The following SMC6 variants were observed in gnomAD, a reference collection of about 807,000 sequenced individuals.
SMC6 encodes the protein structural maintenance of chromosomes 6.
A neutral mutation model predicts 142.2 loss-of-function variants in SMC6; 79 were observed. The observed-to-expected ratio is 0.56, with a 90% CI of 0.46 to 0.67. SMC6 has a LOEUF of 0.67. Among genes scored for constraint, SMC6 ranks in the 30% least tolerant of loss-of-function variants. SMC6 has a pLI of 0.00. For missense variants in SMC6, 1,072 were observed against 1,284.0 expected (o/e 0.83, Z 2.52); for synonymous variants, 411 against 412.4 (o/e 1.00, Z 0.04).
chr2:17,667,217 T>G (rs1001785544), intron 26 of SMC6, among the ~76,000 whole-genome samples: 1 of 152,190 alleles, frequency 6.6e-6, no homozygotes, highest in African/African-American at 2.4e-5. Context: ...CTCAAATTCA[T>G]TAAGTCTCTC....
intron 16 of SMC6, among the ~76,000 whole-genome samples, 186 bp downstream of exon 16, chr2:17,714,675 G>A (rs556321806): frequency 5.9e-5 from 9 of 152,220 alleles, no homozygotes; most frequent in Middle Eastern, 3.4e-3. Context: ...AACTTCAATG[G>A]TAGGGAGTAT....
chr2:17,747,483 AAAC>A (rs1252845083), intron 2 of SMC6, among the ~76,000 whole-genome samples: 7 of 147,546 alleles, frequency 4.7e-5, no homozygotes, highest in Non-Finnish European at 1.0e-4. Flanking sequence ...AATTAAAACT[AAAC>A]AACTTTTTTT....
At chr2:17,738,801 C>T (rs944523779) in intron 4 of SMC6, among the ~76,000 whole-genome samples, 1 of 152,132 alleles carries the variant, frequency 6.6e-6, no homozygotes, top group Non-Finnish European at 1.5e-5. Context: ...TACAGGCACA[C>T]ATCACTATGC....
Position 17,718,222 on chromosome 2 carries a change from AC to A in SMC6, c.946del (p.Val316SerfsTer17). 6.3e-7 allele frequency: 1 copy of A among 1,577,092 alleles called. No homozygotes were observed. Among genetic ancestry groups the A allele is most frequent in the South Asian group, 1.2e-5 (1 of 82,006 alleles). On this transcript the variant is annotated frameshift_variant and splice_region_variant, in exon 12 of 28. Transcript: ENST00000448223. LOFTEE classifies it high-confidence loss of function. ...CTTTTGTTCTGCCTCATTAAGTCTG[AC>A]CTTTAAGAAAATAACATTATTGAAG... is the stretch of plus-strand genomic sequence containing the variant. ...RLDRKMEEQQVRLNEAEQKYK... is the reference protein window; with the variant it reads ...RLDRKMEEQQXRLNEAEQKYK...
chr2:17,667,918 G>A (rs542478586), intron 26 of SMC6, among the ~76,000 whole-genome samples: 2 of 152,182 alleles, frequency 1.3e-5, no homozygotes, highest in Admixed American at 6.5e-5. Context: ...TTTAGAACAA[G>A]GGCTGTGGAG....
chr2:17,674,108 A>G (rs1386501967), intron 25 of SMC6, among the ~76,000 whole-genome samples: 1 of 151,984 alleles, frequency 6.6e-6, no homozygotes, highest in Non-Finnish European at 1.5e-5. Context: ...TGAATTTATA[A>G]TAGGCTTTTT....
chr2:17,712,742 C>T (rs1283173690), intron 16 of SMC6, among the ~76,000 whole-genome samples: 1 of 152,148 alleles, frequency 6.6e-6, no homozygotes, highest in East Asian at 1.9e-4. Context: ...AGCATTTGAA[C>T]CATAATTCAT....
In SMC6 at chr2:17,732,790, C is replaced by G. The variant is rs561887907; in HGVS notation, c.345-913G>C. On this transcript the variant is annotated intron_variant, in intron 5 of 27. Transcript: ENST00000448223. ...CATATTTTAAAATAGTACAATGCAG[C>G]TAAACACACATATAAAATGATGAGT... is the stretch of plus-strand genomic sequence containing the variant. Among the ~76,000 whole-genome samples, 16 of 152,036 alleles carry G rather than the reference C, an allele frequency of 1.1e-4. No homozygotes were observed. The East Asian group carries it at 3.1e-3, about 29-fold the overall frequency.
Position 17,701,951 on chromosome 2 carries a change from T to A in SMC6, c.2143-42A>T, listed in dbSNP as rs11681696. On this transcript the variant is annotated intron_variant, in intron 19 of 27. Transcript: ENST00000448223. ...TGGATTTTAGTAACATAAAAAAAAA[T>A]TTAAACCGAAAACCTTGGAAAGGAT... The A allele has an allele frequency of 0.29, 309,936 of 1,064,742 alleles. 47,234 individuals carry two copies. The highest frequency in any genetic ancestry group is 0.33 in the Non-Finnish European group (236,297 of 725,866). The allele number at this position is 1,064,742 out of a possible 1,614,324, so 66.0% of individuals were successfully genotyped here.
chr2:17,695,069 A>G, intron 23 of SMC6, 83 bp downstream of exon 23: 1 of 1,461,422 alleles, frequency 6.8e-7, no homozygotes, highest in Middle Eastern at 1.7e-4. Context: ...ATTCAAATTT[A>G]AGACATGTAT....
intron 3 of SMC6, among the ~76,000 whole-genome samples, chr2:17,744,579 T>C (rs77358223): frequency 1.3e-5 from 2 of 152,222 alleles, no homozygotes; most frequent in African/African-American, 4.8e-5. Flanking sequence ...TTCTGTTTCC[T>C]TGATTTATTT....
intron 2 of SMC6, among the ~76,000 whole-genome samples, chr2:17,751,627 A>T: frequency 6.6e-6 from 1 of 152,200 alleles, no homozygotes; most frequent in African/African-American, 2.4e-5. Context: ...AAGTAGTTTG[A>T]ATTTGGTGAC....
chr2:17,666,320 T>C, intron 27 of SMC6, 100 bp downstream of exon 27: 1 of 783,880 alleles, frequency 1.3e-6, no homozygotes, highest in Non-Finnish European at 2.0e-6. Flanking sequence ...TTATTTTCAT[T>C]GGTCTTGTAT....
At position 17,716,227 on chromosome 2, in the gene SMC6, T is replaced by C; in HGVS notation, c.1384A>G (p.Asn462Asp). Reference sequence around the variant, plus strand: ...TTCAATTCTTTCAGTTGCCTCTGATTGTAGCTCAGTGCATGCTTCACATCT... The same window carrying C: ...TTCAATTCTTTCAGTTGCCTCTGATCGTAGCTCAGTGCATGCTTCACATCT... The part of the protein sequence containing the change: ...ELDVKHALSY[N>D]QRQLKELKDS... The change falls in exon 15 of 28, where the codon AAT becomes GAT. Residue 462 changes from asparagine (N) to aspartate (D), a missense_variant. Asn to Asp is a conservative substitution (Grantham distance 23, BLOSUM62 1). Transcript: ENST00000448223. 2 of 1,612,202 alleles carry C rather than the reference T, an allele frequency of 1.2e-6. No individual in the cohort carries two copies. The highest frequency in any genetic ancestry group is 1.7e-6 in the Non-Finnish European group (2 of 1,179,454).
At position 17,741,736 on chromosome 2, in the gene SMC6, A is replaced by AT. The variant is rs753232122; in HGVS notation, c.121-8dup. Reference sequence around the variant, plus strand: ...TTCCAACTTCTGCTGCAGTCTATTAATAAAAAACAATGGGAGAAAATGGTC... The same window carrying AT: ...TTCCAACTTCTGCTGCAGTCTATTAATTAAAAAACAATGGGAGAAAATGGTC... On this transcript the variant is annotated splice_polypyrimidine_tract_variant and splice_region_variant and intron_variant, in intron 3 of 27. Coordinates refer to ENST00000448223, the MANE Select transcript of SMC6 (RefSeq NM_001142286.2). 6.4e-7 allele frequency: 1 copy of AT among 1,556,126 alleles called. No homozygotes were observed. The highest frequency in any genetic ancestry group is 8.8e-7 in the Non-Finnish European group (1 of 1,135,956).
rs1670479967 is a variant in SMC6, at chr2:17,741,719, T to A, written c.131A>T (p.Glu44Val). 1.3e-6 allele frequency: 2 copies of A among 1,599,718 alleles called. No homozygotes were observed. The highest frequency in any genetic ancestry group is 4.5e-5 in the East Asian group (2 of 44,594). The stretch of plus-strand genomic sequence containing the variant: ...GTGAATACTCTCAATTATTCCAACT[T>A]CTGCTGCAGTCTATTAATAAAAAAC... ...ECKGTTLTAA[E>V]VGIIESIHLK... The change falls in exon 4 of 28, where the codon GAA becomes GTA. Residue 44 changes from glutamate to valine, a missense_variant. Physicochemically the swap from Glu to Val is moderately radical, Grantham distance 121. Transcript: ENST00000448223.
intron 7 of SMC6, among the ~76,000 whole-genome samples, chr2:17,727,596 T>A (rs924969479): frequency 6.6e-6 from 1 of 152,012 alleles, no homozygotes; most frequent in Non-Finnish European, 1.5e-5. Context: ...CTAATACACC[T>A]AACAAGTTAA....
intron 15 of SMC6, 127 bp from the exon 16 acceptor site, chr2:17,715,192 G>A: frequency 1.2e-6 from 1 of 821,132 alleles, no homozygotes; most frequent in Non-Finnish European, 1.9e-6. Context: ...TGACTTTACA[G>A]ATCATTTAAT....
chr2:17,723,280 T>G (rs1405838867), intron 9 of SMC6, among the ~76,000 whole-genome samples: 1 of 152,198 alleles, frequency 6.6e-6, no homozygotes, highest in African/African-American at 2.4e-5. Flanking sequence ...TTTCCACATC[T>G]CTTCTCTCCT....
Sources: allele counts gnomAD v4.1 joint callset (sites outside exome capture counted in the v4.1 genomes callset), GRCh38; gene constraint gnomAD v4.1.1; transcripts MANE v1.5; gene names NCBI Gene and HGNC (gene_info 2026-07-23, HGNC 2026-07-21).